Variants in NECAB1 observed in about 807,000 individuals in gnomAD.
NECAB1 encodes the protein N-terminal EF-hand calcium binding protein 1, also known as N-terminal EF-hand calcium-binding protein 1.
Under a neutral mutation model 57.5 loss-of-function variants are expected in NECAB1, and 29 were observed. The observed-to-expected ratio is 0.50, with a 90% CI of 0.38 to 0.69. The LOEUF (loss-of-function observed/expected upper bound fraction) is 0.69, where lower values mean the gene tolerates loss of function less well. NECAB1 is among the 30% of genes least tolerant of loss of function. NECAB1 has a pLI of 0.00. For synonymous variants in NECAB1, 142 were observed against 147.7 expected, an observed-to-expected ratio of 0.96 and a Z score of 0.28; for missense variants, 372 against 413.8, an observed-to-expected ratio of 0.90 and a Z score of 0.88.
chr8:90,917,398 C>A, intron 5 of NECAB1, 94 bp from the exon 6 acceptor site: 1 of 1,119,982 alleles, frequency 8.9e-7, no homozygotes, highest in Non-Finnish European at 1.2e-6. Flanking sequence ...TAGGATCAAT[C>A]TGGGATTGAT....
intron 5 of NECAB1, among the ~76,000 whole-genome samples, chr8:90,900,122 T>C (rs1301102116): frequency 6.6e-6 from 1 of 152,178 alleles, no homozygotes; most frequent in Non-Finnish European, 1.5e-5. Flanking sequence ...CTTATTAGAA[T>C]TATTTTCATT....
chr8:90,899,903 C>A (rs1809458470), intron 5 of NECAB1, among the ~76,000 whole-genome samples: 1 of 152,002 alleles, frequency 6.6e-6, no homozygotes, highest in Non-Finnish European at 1.5e-5. Flanking sequence ...TATTCTGGGA[C>A]CTTAACTGCA....
intron 2 of NECAB1, among the ~76,000 whole-genome samples, chr8:90,822,512 C>T (rs895254634): frequency 2.0e-5 from 3 of 151,798 alleles, no homozygotes; most frequent in Non-Finnish European, 4.4e-5. Context: ...CTTCCTTTTT[C>T]TTTTTATATA....
At position 90,917,870 on chromosome 8, in the gene NECAB1, A is replaced by ATATATATATATATG. The variant is rs1554575432; in HGVS notation, c.494+243_494+244insATATATATATATGT. Among the ~76,000 whole-genome samples, 133 of 64,308 alleles carry ATATATATATATATG rather than the reference A, an allele frequency of 2.1e-3. 2 individuals carry two copies. The highest frequency in any genetic ancestry group is 9.4e-3 in the Middle Eastern group (1 of 106). 42.2% of individuals were successfully genotyped at this position (64,308 alleles called of 152,430 possible). On this transcript the variant is annotated intron_variant, in intron 6 of 12. Transcript: ENST00000417640. ...TATATATATATATATATATATATAT[A>ATATATATATATATG]TGTGTGTGTGTGCGTGTATATATAT...
At chr8:90,947,141 T>A (rs1468755620) in intron 10 of NECAB1, among the ~76,000 whole-genome samples, 1 of 152,140 alleles carries the variant, frequency 6.6e-6, no homozygotes. Context: ...TTAATAGATA[T>A]GTGCATTTTC....
chr8:90,862,112 T>C (rs72662577), intron 3 of NECAB1, among the ~76,000 whole-genome samples: 281 of 152,288 alleles, frequency 1.8e-3, no homozygotes, highest in Non-Finnish European at 2.3e-3. Context: ...TAGAAAACAA[T>C]GTAGCTATTA....
At chr8:90,954,889 T>C (rs1188200755) in intron 12 of NECAB1, among the ~76,000 whole-genome samples, 2 of 147,536 alleles carry the variant, frequency 1.4e-5, no homozygotes, top group African/African-American at 2.5e-5. Flanking sequence ...ATATTATGTG[T>C]ATGCATATGC....
chr8:90,947,526 G>A (rs192208858), intron 10 of NECAB1, among the ~76,000 whole-genome samples: 54 of 151,360 alleles, frequency 3.6e-4, no homozygotes, highest in African/African-American at 1.2e-3. Context: ...TCAGCCTCCT[G>A]AGTAGCTGAG....
At position 90,955,847 on chromosome 8, in the gene NECAB1, GA is replaced by G. The variant is rs1811021666; in HGVS notation, c.*341del. On this transcript the variant is annotated 3_prime_UTR_variant, in exon 13 of 13. Coordinates refer to ENST00000417640, the MANE Select transcript of NECAB1 (RefSeq NM_022351.5). ...GTGAAAATGAATCTGTTATGATAAAGAAAAAATAAAGTGGAAACTTTTAGAG... is the reference window on the plus strand; with the variant it reads ...GTGAAAATGAATCTGTTATGATAAAGAAAAATAAAGTGGAAACTTTTAGAG... The G allele has an allele frequency of 4.7e-6, 1 of 211,228 alleles. No individual in the cohort carries two copies. Among genetic ancestry groups the G allele is most frequent in the Non-Finnish European group, 9.3e-6 (1 of 107,096 alleles). The allele number at this position is 211,228 out of a possible 1,614,324, so 13.1% of individuals were successfully genotyped here.
At chr8:90,935,600 C>T (rs1402385046) in intron 9 of NECAB1, among the ~76,000 whole-genome samples, 2 of 152,002 alleles carry the variant, frequency 1.3e-5, no homozygotes, top group Non-Finnish European at 2.9e-5. Flanking sequence ...GTTATCTTCT[C>T]GTAGGTTTGC....
chr8:90,837,922 T>A (rs1363121902), intron 3 of NECAB1, among the ~76,000 whole-genome samples: 3 of 152,252 alleles, frequency 2.0e-5, no homozygotes, highest in African/African-American at 4.8e-5. Context: ...GTATGCTGAA[T>A]TCCTAGCCCC....
At chr8:90,834,399 T>C (rs569971597) in intron 3 of NECAB1, among the ~76,000 whole-genome samples, 1 of 152,196 alleles carries the variant, frequency 6.6e-6, no homozygotes, top group Non-Finnish European at 1.5e-5. Context: ...GGCAAATGAC[T>C]AGGTCATAAG....
chr8:90,809,149 G>A (rs374227309), intron 2 of NECAB1, among the ~76,000 whole-genome samples: 1 of 152,066 alleles, frequency 6.6e-6, no homozygotes, highest in Non-Finnish European at 1.5e-5. Context: ...TGAAATTCTC[G>A]TGTGTCTTGG....
chr8:90,888,677 A>C (rs553712154), intron 5 of NECAB1, among the ~76,000 whole-genome samples: 9 of 152,180 alleles, frequency 5.9e-5, no homozygotes, highest in African/African-American at 2.2e-4. Context: ...CAAAGTTCTT[A>C]TTTTCAAAAT....
chr8:90,855,006 TAGAC>T (rs1039557366), intron 3 of NECAB1, among the ~76,000 whole-genome samples: 17 of 152,356 alleles, frequency 1.1e-4, no homozygotes, highest in African/African-American at 3.8e-4. Context: ...AGTATCCTAA[TAGAC>T]AGTGCCCTTT....
chr8:90,953,769 TTAAAAA>T (rs770018348), intron 12 of NECAB1, among the ~76,000 whole-genome samples: 1 of 152,080 alleles, frequency 6.6e-6, no homozygotes, highest in African/African-American at 2.4e-5. Flanking sequence ...GTTATGAAGA[TTAAAAA>T]TAAAAATAAT....
chr8:90,917,032 T>C (rs1809970292), intron 5 of NECAB1, among the ~76,000 whole-genome samples: 1 of 152,196 alleles, frequency 6.6e-6, no homozygotes, highest in Admixed American at 6.5e-5. Flanking sequence ...GCATAATAAA[T>C]ACATCAAGAG....
chr8:90,825,928 T>C lies in NECAB1; in HGVS notation c.233+1103T>C, dbSNP rs181183610. Among the ~76,000 whole-genome samples the C allele has an allele frequency of 2.6e-5, 4 of 151,942 alleles. 1 individual carries two copies. The highest frequency in any genetic ancestry group is 6.6e-5 in the Admixed American group (1 of 15,222). On this transcript the variant is annotated intron_variant, in intron 3 of 12. Coordinates refer to ENST00000417640, the MANE Select transcript of NECAB1 (RefSeq NM_022351.5). ...AACATGGAACCAGCTTATGGTTTTATGGAGAAATAGACCAATCAGCTGATC... is the reference window on the plus strand; with the variant it reads ...AACATGGAACCAGCTTATGGTTTTACGGAGAAATAGACCAATCAGCTGATC...
intron 4 of NECAB1, chr8:90,872,375 G>C (rs558881494): frequency 2.3e-6 from 1 of 437,054 alleles, no homozygotes; most frequent in South Asian, 4.7e-5. Flanking sequence ...CATAGAAGAA[G>C]AATTGTTGTT....
Sources: allele counts gnomAD v4.1 joint callset (sites outside exome capture counted in the v4.1 genomes callset), GRCh38; gene constraint gnomAD v4.1.1; transcripts MANE v1.5; gene names NCBI Gene and HGNC (gene_info 2026-07-23, HGNC 2026-07-21).